The following USP12 variants were observed in gnomAD, a reference collection of about 807,000 sequenced individuals.
USP12 encodes the protein ubiquitin carboxyl-terminal hydrolase 12.
A neutral mutation model predicts 45.5 loss-of-function variants in USP12; 19 were observed. That is an observed-to-expected ratio of 0.42 (90% CI 0.29 to 0.61). The LOEUF (loss-of-function observed/expected upper bound fraction) is 0.61, where lower values mean the gene tolerates loss of function less well. Ranked by LOEUF, USP12 falls within the 20% of genes least tolerant of loss-of-function variation. USP12 has a pLI of 0.22. For synonymous variants in USP12, 149 were observed against 148.8 expected, an observed-to-expected ratio of 1.00 and a Z score of -0.01; for missense variants, 242 against 447.7, an observed-to-expected ratio of 0.54 and a Z score of 4.15.
chr13:27,079,897 C>T (rs1593172866), intron 6 of USP12, among the ~76,000 whole-genome samples: 2 of 152,144 alleles, frequency 1.3e-5, no homozygotes, highest in Non-Finnish European at 2.9e-5. Context: ...TTAAAATGTA[C>T]CATCAACAAG....
chr13:27,152,133 C>A (rs1470257612), intron 1 of USP12, among the ~76,000 whole-genome samples: 1 of 152,170 alleles, frequency 6.6e-6, no homozygotes, highest in Non-Finnish European at 1.5e-5. Flanking sequence ...CTCCAAAGTA[C>A]AGACACATGA....
intron 1 of USP12, among the ~76,000 whole-genome samples, chr13:27,164,246 C>G (rs1290946155): frequency 6.6e-6 from 1 of 152,210 alleles, no homozygotes; most frequent in African/African-American, 2.4e-5. Flanking sequence ...GATGCTTCCT[C>G]TACCCATGAA....
intron 1 of USP12, among the ~76,000 whole-genome samples, chr13:27,151,616 C>G (rs1403257428): frequency 6.6e-6 from 1 of 151,944 alleles, no homozygotes; most frequent in East Asian, 1.9e-4. Flanking sequence ...GAACCCATCT[C>G]TACAAAAAGT....
Position 27,105,260 on chromosome 13 carries a change from G to A in USP12, c.343+471C>T, listed in dbSNP as rs139503084. 1.5e-3 allele frequency among the ~76,000 whole-genome samples: 228 copies of A among 152,238 alleles called. 1 individual carries two copies. The highest frequency in any genetic ancestry group is 5.0e-3 in the African/African-American group (208 of 41,534). Reference sequence around the variant, plus strand: ...AAAGGTCTTTTCTAGCTCCTTCCCCGGAGTGTGGCTCCTGGCAAGCCTTTT... The same window carrying A: ...AAAGGTCTTTTCTAGCTCCTTCCCCAGAGTGTGGCTCCTGGCAAGCCTTTT... On this transcript the variant is annotated intron_variant, in intron 3 of 8. Transcript: ENST00000282344.
At chr13:27,166,411 T>C (rs1038598777) in intron 1 of USP12, among the ~76,000 whole-genome samples, 9 of 152,248 alleles carry the variant, frequency 5.9e-5, no homozygotes, top group African/African-American at 1.9e-4. Flanking sequence ...AGAAAGGAAT[T>C]TGGTAAATGA....
At chr13:27,169,648 T>C (rs1016346023) in intron 1 of USP12, among the ~76,000 whole-genome samples, 2 of 152,178 alleles carry the variant, frequency 1.3e-5, no homozygotes, top group African/African-American at 2.4e-5. Flanking sequence ...AGAAAGAGCT[T>C]CTGATTTGAC....
At chr13:27,154,457 C>G (rs796717083) in intron 1 of USP12, among the ~76,000 whole-genome samples, 9 of 152,234 alleles carry the variant, frequency 5.9e-5, no homozygotes, top group African/African-American at 2.2e-4. Flanking sequence ...CTAACAGTAC[C>G]TGAAGTAAAA....
At chr13:27,158,331 T>A (rs1167477035) in intron 1 of USP12, among the ~76,000 whole-genome samples, 3 of 152,150 alleles carry the variant, frequency 2.0e-5, no homozygotes, top group African/African-American at 7.2e-5. Flanking sequence ...AGTCTCCTCA[T>A]AGCCCTCAGA....
chr13:27,071,007 GA>G, intron 8 of USP12, 63 bp downstream of exon 8: 2 of 1,375,096 alleles, frequency 1.5e-6, no homozygotes, highest in Non-Finnish European at 1.0e-6. Flanking sequence ...AAAACTATGA[GA>G]AAAAAGTGAA....
chr13:27,110,135 A>T (rs1189577533), intron 2 of USP12, among the ~76,000 whole-genome samples: 1 of 151,222 alleles, frequency 6.6e-6, no homozygotes, highest in African/African-American at 2.4e-5. Context: ...GGTAAAAAAA[A>T]AAAAAAAAAA....
intron 1 of USP12, among the ~76,000 whole-genome samples, chr13:27,144,861 A>C (rs1164399452): frequency 6.6e-6 from 1 of 151,330 alleles, no homozygotes; most frequent in Non-Finnish European, 1.5e-5. Flanking sequence ...GGAGTTCGAG[A>C]CCAGCCCGGG....
chr13:27,158,488 A>T (rs1315391919), intron 1 of USP12, among the ~76,000 whole-genome samples: 5 of 152,298 alleles, frequency 3.3e-5, no homozygotes, highest in South Asian at 2.1e-4. Flanking sequence ...CATGGTGCGT[A>T]TGTCATAGAG....
intron 1 of USP12, among the ~76,000 whole-genome samples, chr13:27,142,034 ATTGC>A (rs1330212831): frequency 6.6e-6 from 1 of 152,142 alleles, no homozygotes; most frequent in Admixed American, 6.5e-5. Flanking sequence ...AAGCAGGAGA[ATTGC>A]TTGAACTCAG....
intron 1 of USP12, among the ~76,000 whole-genome samples, chr13:27,148,984 A>C (rs1445989450): frequency 6.6e-6 from 1 of 152,046 alleles, no homozygotes. Context: ...GGAGTTCAAG[A>C]CCAGCCTGGG....
intron 1 of USP12, among the ~76,000 whole-genome samples, chr13:27,144,796 C>T (rs1259393876): frequency 5.3e-5 from 8 of 150,428 alleles, no homozygotes; most frequent in African/African-American, 2.0e-4. Flanking sequence ...ACAGTGGTTC[C>T]TGCCTGTAAT....
chr13:27,125,379 C>G (rs1442326205), intron 1 of USP12, among the ~76,000 whole-genome samples: 1 of 152,032 alleles, frequency 6.6e-6, no homozygotes, highest in Admixed American at 6.5e-5. Context: ...GAATAAGTGT[C>G]AAAACTATGT....
intron 6 of USP12, 144 bp from the exon 7 acceptor site, chr13:27,075,532 CAATTATTTTTAT>C (rs1207032428): frequency 4.2e-6 from 3 of 719,182 alleles, no homozygotes; most frequent in East Asian, 5.5e-5. Flanking sequence ...ACATTTCTAT[CAATTATTTTTAT>C]ACTGACAAAA....
intron 2 of USP12, among the ~76,000 whole-genome samples, chr13:27,111,662 C>T (rs1287267382): frequency 6.6e-6 from 1 of 152,098 alleles, no homozygotes; most frequent in Non-Finnish European, 1.5e-5. Context: ...ATTTTGAGCG[C>T]ACATCCCTTA....
chr13:27,096,000 G>A (rs1449252814), intron 3 of USP12, among the ~76,000 whole-genome samples, 170 bp from the exon 4 acceptor site: 1 of 151,910 alleles, frequency 6.6e-6, no homozygotes, highest in African/African-American at 2.4e-5. Flanking sequence ...TCTGTATTTG[G>A]GGAAAATGTA....
Sources: allele counts gnomAD v4.1 joint callset (sites outside exome capture counted in the v4.1 genomes callset), GRCh38; gene constraint gnomAD v4.1.1; transcripts MANE v1.5; gene names NCBI Gene and HGNC (gene_info 2026-07-23, HGNC 2026-07-21).